Variants in CTNNA2 observed in about 807,000 individuals in gnomAD.
The protein encoded by CTNNA2 is catenin alpha 2.
A neutral mutation model predicts 101.0 loss-of-function variants in CTNNA2; 42 were observed. The observed-to-expected ratio is 0.42, with a 90% CI of 0.32 to 0.54. The LOEUF is 0.54. Among genes scored for constraint, CTNNA2 ranks in the 20% least tolerant of loss-of-function variants. CTNNA2 has a pLI of 0.14. For synonymous variants in CTNNA2, 450 were observed against 456.4 expected, an observed-to-expected ratio of 0.99 and a Z score of 0.18; for missense variants, 871 against 1,223.1, an observed-to-expected ratio of 0.71 and a Z score of 4.29.
intron 2 of CTNNA2, among the ~76,000 whole-genome samples, chr2:79,234,324 G>A (rs1178656403): frequency 6.6e-6 from 1 of 151,980 alleles, no homozygotes; most frequent in Non-Finnish European, 1.5e-5. Flanking sequence ...TGATAGTCTT[G>A]GTTGAAATTC....
At chr2:80,201,087 A>G (rs2149016043) in intron 7 of CTNNA2, among the ~76,000 whole-genome samples, 1 of 152,120 alleles carries the variant, frequency 6.6e-6, no homozygotes, top group South Asian at 2.1e-4. Flanking sequence ...TACTTTAACC[A>G]TCTCTAGATT....
intron 4 of CTNNA2, among the ~76,000 whole-genome samples, chr2:79,426,276 A>G (rs898843893): frequency 1.1e-4 from 17 of 152,164 alleles, no homozygotes; most frequent in African/African-American, 4.1e-4. Context: ...CTTGGGGACA[A>G]AAACATAGGA....
intron 1 of CTNNA2, among the ~76,000 whole-genome samples, chr2:79,574,702 A>G (rs1340303846): frequency 6.6e-6 from 1 of 152,218 alleles, no homozygotes; most frequent in Non-Finnish European, 1.5e-5. Flanking sequence ...TCTTTATGGT[A>G]GAATGATTTG....
In CTNNA2 at chr2:79,677,788, G is replaced by A. The variant is rs77627894; in HGVS notation, c.102+26130G>A. 4.7e-4 allele frequency among the ~76,000 whole-genome samples: 71 copies of A among 152,298 alleles called. 3 individuals are homozygous for A. In the East Asian group the frequency reaches 0.013, roughly 28 times the overall value. On this transcript the variant is annotated intron_variant, in intron 2 of 18. Coordinates refer to ENST00000402739, the MANE Select transcript of CTNNA2 (RefSeq NM_001282597.3). ...AAGGAAATGTTAAAGAATAAAGTAA[G>A]AAGAGGAGTTAAGAATAACAATAAT...
chr2:80,539,322 T>C (rs1558564431), intron 9 of CTNNA2, among the ~76,000 whole-genome samples: 1 of 139,690 alleles, frequency 7.2e-6, no homozygotes, highest in Non-Finnish European at 1.5e-5. Flanking sequence ...TTTTTTTTTT[T>C]TGTTGTTGTT....
chr2:79,894,546 T>C (rs569619971), intron 6 of CTNNA2, among the ~76,000 whole-genome samples: 27 of 152,194 alleles, frequency 1.8e-4, no homozygotes, highest in Non-Finnish European at 2.8e-4. Flanking sequence ...TCTGCCGTAA[T>C]GAACTGTTTA....
intron 4 of CTNNA2, among the ~76,000 whole-genome samples, chr2:79,383,666 A>G (rs1285778588): frequency 6.6e-6 from 1 of 152,184 alleles, no homozygotes; most frequent in Admixed American, 6.5e-5. Context: ...GCCGAGCCCT[A>G]GGTGGTTTTG....
intron 1 of CTNNA2, among the ~76,000 whole-genome samples, chr2:79,601,369 C>A (rs954211615): frequency 6.6e-6 from 1 of 152,162 alleles, no homozygotes; most frequent in African/African-American, 2.4e-5. Context: ...TTTAGGAGAG[C>A]AGCTTGAGGA....
intron 3 of CTNNA2, among the ~76,000 whole-genome samples, chr2:79,352,912 A>G (rs1341521037): frequency 6.6e-6 from 1 of 152,172 alleles, no homozygotes; most frequent in East Asian, 1.9e-4. Context: ...CGAAAGGCAA[A>G]GGGGAAGCAG....
At chr2:79,581,039 C>T (rs1676117285) in intron 1 of CTNNA2, among the ~76,000 whole-genome samples, 1 of 152,150 alleles carries the variant, frequency 6.6e-6, no homozygotes, top group Admixed American at 6.5e-5. Context: ...CTCTGAAAAG[C>T]AAAATGCTAT....
At chr2:79,955,543 C>A (rs532135720) in intron 7 of CTNNA2, among the ~76,000 whole-genome samples, 2 of 152,144 alleles carry the variant, frequency 1.3e-5, no homozygotes, top group African/African-American at 2.4e-5. Flanking sequence ...AGTTTGTCTG[C>A]AAACAGTTCT....
chr2:79,521,048 A>T (rs1672076168), intron 1 of CTNNA2, among the ~76,000 whole-genome samples: 1 of 145,612 alleles, frequency 6.9e-6, no homozygotes, highest in South Asian at 2.2e-4. Flanking sequence ...AAAACAACCA[A>T]AATACCTGTC....
At chr2:79,798,883 G>A (rs1271096380) in intron 3 of CTNNA2, among the ~76,000 whole-genome samples, 1 of 152,180 alleles carries the variant, frequency 6.6e-6, no homozygotes, top group African/African-American at 2.4e-5. Flanking sequence ...AGTAAGAAAA[G>A]AGCAGACTCT....
intron 1 of CTNNA2, among the ~76,000 whole-genome samples, chr2:79,646,542 T>C (rs1423236753): frequency 1.3e-5 from 2 of 150,000 alleles, no homozygotes; most frequent in Non-Finnish European, 3.0e-5. Context: ...TTTTTTTTTT[T>C]TTTTGAGAAA....
rs1229460955 is a variant in CTNNA2 at position 79,379,220 on chromosome 2, C to T, written c.-135+5207C>T. 2.0e-5 allele frequency among the ~76,000 whole-genome samples: 3 copies of T among 152,168 alleles called. No homozygotes were observed. The East Asian group carries it at 5.8e-4, about 29-fold the overall frequency. ...AAATCATAGATCCTACTGCACATAA[C>T]TTAGGTTGGCCTGTCTGGTTTTCAC... On this transcript the variant is annotated intron_variant, in intron 4 of 21. Coordinates refer to the CTNNA2 transcript ENST00000466387.
chr2:79,253,844 T>A (rs2104276146), intron 2 of CTNNA2, among the ~76,000 whole-genome samples: 1 of 152,346 alleles, frequency 6.6e-6, no homozygotes, highest in East Asian at 1.9e-4. Context: ...AGTTTATGAC[T>A]GGAGCCAACA....
intron 2 of CTNNA2, among the ~76,000 whole-genome samples, chr2:79,312,341 TGTGAA>T (rs1676393942): frequency 6.6e-6 from 1 of 152,236 alleles, no homozygotes; most frequent in Admixed American, 6.5e-5. Flanking sequence ...TTTGCTTACT[TGTGAA>T]GTGAACTGTG....
At chr2:79,805,041 G>T (rs1287822553) in intron 3 of CTNNA2, among the ~76,000 whole-genome samples, 3 of 152,090 alleles carry the variant, frequency 2.0e-5, no homozygotes, top group African/African-American at 7.2e-5. Flanking sequence ...TGTGGGAAGT[G>T]CATTATTAAT....
intron 7 of CTNNA2, among the ~76,000 whole-genome samples, chr2:79,952,059 C>T (rs575466637): frequency 6.6e-6 from 1 of 152,314 alleles, no homozygotes; most frequent in South Asian, 2.1e-4. Context: ...CTGCCACCTC[C>T]ATCCAAATCC....
Sources: gnomAD v4.1 joint callset for allele counts (sites outside exome capture counted in the v4.1 genomes callset) on GRCh38, gnomAD v4.1.1 for gene constraint, MANE v1.5 for transcripts, NCBI Gene and HGNC (gene_info 2026-07-23, HGNC 2026-07-21) for gene names.